The following NDUFB11 variants were observed in gnomAD, a reference collection of about 807,000 sequenced individuals.
NDUFB11 encodes the protein NADH:ubiquinone oxidoreductase subunit B11, also known as NADH dehydrogenase [ubiquinone] 1 beta subcomplex subunit 11, mitochondrial.
For synonymous variants in NDUFB11, 51 were observed against 57.4 expected, an observed-to-expected ratio of 0.89 and a Z score of 0.51; for missense variants, 108 against 133.8, an observed-to-expected ratio of 0.81 and a Z score of 0.95.
chrX:47,142,227 G>A lies in NDUFB11; in HGVS notation c.*90C>T. On this transcript the variant is annotated 3_prime_UTR_variant, in exon 3 of 3. Coordinates refer to ENST00000377811, the MANE Select transcript of NDUFB11 (RefSeq NM_001135998.3). ...TCAACACTAGCGAGTCAGACTTTCA[G>A]CCCCTTTAATTAGGTGCTCTGAGAA... The A allele has an allele frequency of 3.6e-6, 4 of 1,108,093 alleles. No homozygotes were observed. The highest frequency in any genetic ancestry group is 4.8e-6 in the Non-Finnish European group (4 of 834,353). The allele number at this position is 1,108,093 out of a possible 1,213,427, so 91.3% of individuals were successfully genotyped here.
At chrX:47,143,145 T>G (rs1556760737) in intron 1 of NDUFB11, among the ~76,000 whole-genome samples, 1 of 112,566 alleles carries the variant, frequency 8.9e-6, no homozygotes. Flanking sequence ...CTCTATCCAC[T>G]TATCTTGCTT....
At chrX:47,144,447 C>CGGG in intron 1 of NDUFB11, 26 bp downstream of exon 1, 1 of 4,733 alleles carries the variant, frequency 2.1e-4, no homozygotes. Flanking sequence ...GTCCCCACTA[C>CGGG]CCCCCCCCCC....
At chrX:47,144,083 G>C (rs1304684689) in intron 1 of NDUFB11, among the ~76,000 whole-genome samples, 1 of 108,884 alleles carries the variant, frequency 9.2e-6, no homozygotes, top group Non-Finnish European at 1.9e-5. Context: ...GCTTGAGCCA[G>C]GAGTTCGAGA....
At chrX:47,144,446 A>AGGCCCCCCC in intron 1 of NDUFB11, 27 bp downstream of exon 1, 1 of 53,658 alleles carries the variant, frequency 1.9e-5, no homozygotes, top group East Asian at 7.1e-4. Flanking sequence ...CGTCCCCACT[A>AGGCCCCCCC]CCCCCCCCCC....
At chrX:47,145,355 C>T (rs1569163412), upstream of NDUFB11, 1 of 977,719 alleles carries the variant, frequency 1.0e-6, no homozygotes, top group African/African-American at 1.9e-5. Context: ...CTCCCCTCCC[C>T]CCGATCTGCC....
chrX:47,142,371 G>A lies in NDUFB11; in HGVS notation c.408C>T (p.Ile136=). 8.3e-7 allele frequency: 1 copy of A among 1,211,613 alleles called. No homozygotes were observed. The highest frequency in any genetic ancestry group is 1.1e-6 in the Non-Finnish European group (1 of 895,440). The change falls in exon 3 of 3, where the codon ATC becomes ATT. Residue 136 remains isoleucine (I), a synonymous_variant. Coordinates refer to ENST00000377811, the MANE Select transcript of NDUFB11 (RefSeq NM_001135998.3). ...VKYREANGLP[I]MESNCFDPSK... is the part of the protein sequence containing the mutation. ...TGGGGTCGAAGCAGTTGGATTCCATGATGGGAAGGCCATTGGCCTCTCGGT... is the reference window on the plus strand; with the variant it reads ...TGGGGTCGAAGCAGTTGGATTCCATAATGGGAAGGCCATTGGCCTCTCGGT...
intron 1 of NDUFB11, 30 bp downstream of exon 1, chrX:47,144,443 A>AGCCCCCCCCCCCCC: frequency 1.3e-5 from 1 of 78,827 alleles, no homozygotes. Flanking sequence ...TTCCGTCCCC[A>AGCCCCCCCCCCCCC]CTACCCCCCC....
upstream of NDUFB11, chrX:47,145,413 G>A (rs950796213): frequency 4.4e-6 from 5 of 1,147,543 alleles, no homozygotes; most frequent in Admixed American, 2.6e-5. Flanking sequence ...GGCTGAGCTG[G>A]GAGAGTTGGA....
chrX:47,143,524 A>G, intron 1 of NDUFB11, among the ~76,000 whole-genome samples: 1 of 112,415 alleles, frequency 8.9e-6, no homozygotes, highest in East Asian at 2.8e-4. Context: ...CTTTTCACAT[A>G]GAAACACCTC....
Position 47,142,820 on chromosome X carries a change from T to A in NDUFB11, c.208-76A>T, listed in dbSNP as rs1308920472. 4.7e-6 allele frequency: 5 copies of A among 1,057,899 alleles called. No homozygotes were observed. The African/African-American group carries it at 7.5e-5, about 16-fold the overall frequency. The allele number at this position is 1,057,899 out of a possible 1,213,427, so 87.2% of individuals were successfully genotyped here. ...TATTCTGGCCCTGCATAACTTGGTCTCCATGTGCCCCTCTCACTAAATTCC... is the reference window on the plus strand; with the variant it reads ...TATTCTGGCCCTGCATAACTTGGTCACCATGTGCCCCTCTCACTAAATTCC... On this transcript the variant is annotated intron_variant, in intron 1 of 2. Transcript: ENST00000377811.
rs782722665 is a variant in NDUFB11 at position 47,142,597 on chromosome X, T to C, written c.338+17A>G. 1.4e-5 allele frequency: 17 copies of C among 1,211,458 alleles called. No individual in the cohort carries two copies. The Admixed American group carries it at 3.5e-4, about 25-fold the overall frequency. ...TCTGCCTCTTACCCATCCCACGCTC[T>C]TGGACACCCTGTGCACCTGTAGTCA... On this transcript the variant is annotated intron_variant, in intron 2 of 2. Coordinates refer to ENST00000377811, the MANE Select transcript of NDUFB11 (RefSeq NM_001135998.3).
At chrX:47,145,228 G>A, upstream of NDUFB11, 1 of 459,029 alleles carries the variant, frequency 2.2e-6, no homozygotes, top group Non-Finnish European at 3.8e-6. Flanking sequence ...CTTAGTAGGT[G>A]GATGGTGGTC....
intron 1 of NDUFB11, 27 bp downstream of exon 1, chrX:47,144,446 A>ACCGCCC: frequency 1.9e-5 from 1 of 53,658 alleles, no homozygotes; most frequent in South Asian, 2.4e-4. Flanking sequence ...CGTCCCCACT[A>ACCGCCC]CCCCCCCCCC....
upstream of NDUFB11, chrX:47,144,773 C>G: frequency 2.4e-6 from 2 of 845,977 alleles, no homozygotes; most frequent in South Asian, 5.4e-5. Flanking sequence ...CGCCCCGCCT[C>G]CGCCACGCTA....
intron 1 of NDUFB11, 87 bp from the exon 2 acceptor site, chrX:47,142,831 C>T: frequency 2.0e-6 from 2 of 1,010,909 alleles, no homozygotes. Context: ...CCATGTGCCC[C>T]TCTCACTAAA....
rs2147053375 is a variant in NDUFB11 at position 47,144,608 on chromosome X, G to A, written c.72C>T (p.Ala24=). The change falls in exon 1 of 3, where the codon GCC becomes GCT. Residue 24 remains alanine (A), a synonymous_variant. Coordinates refer to ENST00000377811, the MANE Select transcript of NDUFB11 (RefSeq NM_001135998.3). ...AGCTAGATTCCCAGCGGACGCGGGCGGCCGGGAGCCCTCGCGTCGCCGCTG... is the reference window on the plus strand; with the variant it reads ...AGCTAGATTCCCAGCGGACGCGGGCAGCCGGGAGCCCTCGCGTCGCCGCTG... ...LAAAATRGLP[A]ARVRWESSFS... is the part of the protein sequence containing the mutation. The A allele has an allele frequency of 8.3e-7, 1 of 1,199,564 alleles. No individual in the cohort carries two copies. The highest frequency in any genetic ancestry group is 1.1e-6 in the Non-Finnish European group (1 of 890,205).
At position 47,142,608 on chromosome X, in the gene NDUFB11, G is replaced by A. The variant is rs201886124; in HGVS notation, c.338+6C>T. The A allele has an allele frequency of 2.7e-5, 33 of 1,209,961 alleles. No individual in the cohort carries two copies. The East Asian group carries it at 7.4e-4, about 27-fold the overall frequency. On this transcript the variant is annotated splice_donor_region_variant and intron_variant, in intron 2 of 2. Coordinates refer to ENST00000377811, the MANE Select transcript of NDUFB11 (RefSeq NM_001135998.3). ...CCCATCCCACGCTCTTGGACACCCT[G>A]TGCACCTGTAGTCAGGCAGATAGGC...
Position 47,144,687 on chromosome X carries a change from G to C in NDUFB11, c.-8C>G. Reference sequence around the variant, plus strand: ...AAACAGCCCAGCCGCCATGACAGATGGTGCTGCAGGGTCTCAGGGGCGGGG... The same window carrying C: ...AAACAGCCCAGCCGCCATGACAGATCGTGCTGCAGGGTCTCAGGGGCGGGG... On this transcript the variant is annotated 5_prime_UTR_variant, in exon 1 of 3. Transcript: ENST00000377811. The C allele has an allele frequency of 8.8e-7, 1 of 1,135,583 alleles. No homozygotes were observed. The highest frequency in any genetic ancestry group is 2.8e-4 in the Middle Eastern group (1 of 3,617). 93.6% of individuals were successfully genotyped at this position (1,135,583 alleles called of 1,213,427 possible).
upstream of NDUFB11, chrX:47,145,224 A>T (rs1334425163): frequency 6.7e-6 from 3 of 444,597 alleles, no homozygotes; most frequent in Non-Finnish European, 1.2e-5. Context: ...CTTCCTTAGT[A>T]GGTGGATGGT....
Sources: allele counts gnomAD v4.1 joint callset (sites outside exome capture counted in the v4.1 genomes callset), GRCh38; gene constraint gnomAD v4.1.1; transcripts MANE v1.5; gene names NCBI Gene and HGNC (gene_info 2026-07-23, HGNC 2026-07-21).